COL26A1: variants seen among roughly 807,000 people sequenced by gnomAD.
COL26A1 encodes the protein collagen type XXVI alpha 1 chain, also known as collagen alpha-1(XXVI) chain.
Under a neutral mutation model 59.3 loss-of-function variants are expected in COL26A1, and 41 were observed. The ratio of observed to expected loss-of-function variants is 0.69; its 90% confidence interval spans 0.54 to 0.90. The LOEUF (loss-of-function observed/expected upper bound fraction) is 0.90. Among genes scored for constraint, COL26A1 ranks in the 40% least tolerant of loss-of-function variants. The pLI, the probability that COL26A1 is intolerant of heterozygous loss-of-function variation, is 0.00. For synonymous variants in COL26A1, 266 were observed against 256.0 expected (o/e 1.04, Z -0.37); for missense variants, 612 against 602.3 (o/e 1.02, Z -0.17).
At position 101,458,505 on chromosome 7, in the gene COL26A1, G is replaced by A. The variant is rs572286125; in HGVS notation, c.385+10718G>A. Among the ~76,000 whole-genome samples the A allele has an allele frequency of 9.5e-4, 145 of 152,174 alleles. 1 individual carries two copies. The highest frequency in any genetic ancestry group is 3.3e-3 in the African/African-American group (138 of 41,534). On this transcript the variant is annotated intron_variant, in intron 3 of 12. Transcript: ENST00000313669. ...CCAAAAAAACTAGCCGGGCGTGGTG[G>A]TGCATGCCTGTAATCCCAGCTACTT...
At chr7:101,391,021 C>A (rs902851593) in intron 1 of COL26A1, among the ~76,000 whole-genome samples, 1 of 152,200 alleles carries the variant, frequency 6.6e-6, no homozygotes, top group South Asian at 2.1e-4. Context: ...ACCTGCTAAC[C>A]AAAGCCTTCT....
At position 101,541,454 on chromosome 7, in the gene COL26A1, C is replaced by T. The variant is rs541215569; in HGVS notation, c.604+1405C>T. Reference sequence around the variant, plus strand: ...TCATCTCCGAGGCTCAGGTGATCCTCCTGCCTCAGCCTCCCAAGTAGTTGG... The same window carrying T: ...TCATCTCCGAGGCTCAGGTGATCCTTCTGCCTCAGCCTCCCAAGTAGTTGG... On this transcript the variant is annotated intron_variant, in intron 5 of 12. Transcript: ENST00000313669. Among the ~76,000 whole-genome samples, 286 of 152,134 alleles carry T rather than the reference C, an allele frequency of 1.9e-3. 1 individual carries two copies. The highest frequency in any genetic ancestry group is 2.9e-3 in the Non-Finnish European group (196 of 68,030).
intron 4 of COL26A1, among the ~76,000 whole-genome samples, chr7:101,537,757 G>A (rs373358814): frequency 1.2e-4 from 18 of 152,086 alleles, no homozygotes; most frequent in African/African-American, 2.2e-4. Context: ...AGGCCAAGGC[G>A]GGACCCCTCC....
At chr7:101,468,807 C>T (rs1186012929) in intron 3 of COL26A1, among the ~76,000 whole-genome samples, 3 of 152,166 alleles carry the variant, frequency 2.0e-5, no homozygotes, top group South Asian at 2.1e-4. Flanking sequence ...GTGCAGGCAC[C>T]GCCCTGGAGG....
In COL26A1 at chr7:101,366,501, TTTTTTTTTTTTTTTTTA is replaced by T. The variant is rs1416969101; in HGVS notation, c.158+3312_158+3328del. Among the ~76,000 whole-genome samples, 62 of 25,954 alleles carry T rather than the reference TTTTTTTTTTTTTTTTTA, an allele frequency of 2.4e-3. 3 individuals carry two copies. The African/African-American group carries it at 0.033, about 14-fold the overall frequency. 17.0% of individuals were successfully genotyped at this position (25,954 alleles called of 152,430 possible). A position where few individuals can be genotyped will look rare whatever the true frequency, so the allele number is the denominator to read the frequency against. ...TTTTTTTTTTTTTTTTTTTTTTTTTTTTTTTTTTTTTTTTTTAAAGACAGGGTCTTGCTCTGTCACCC... is the reference window on the plus strand; with the variant it reads ...TTTTTTTTTTTTTTTTTTTTTTTTTTAAGACAGGGTCTTGCTCTGTCACCC... On this transcript the variant is annotated intron_variant, in intron 1 of 12. Coordinates refer to ENST00000313669, the MANE Select transcript of COL26A1 (RefSeq NM_001278563.3).
chr7:101,526,996 A>G (rs191200699), intron 3 of COL26A1, among the ~76,000 whole-genome samples: 11 of 152,084 alleles, frequency 7.2e-5, no homozygotes, highest in African/African-American at 1.9e-4. Context: ...TCTCAAAAGG[A>G]CACTACATCT....
intron 3 of COL26A1, among the ~76,000 whole-genome samples, chr7:101,517,332 T>G (rs1401375087): frequency 3.3e-5 from 5 of 152,166 alleles, no homozygotes; most frequent in Non-Finnish European, 5.9e-5. Flanking sequence ...TTGGTCCGTT[T>G]TCACGTTGCT....
At chr7:101,372,692 C>T (rs11976450) in intron 1 of COL26A1, among the ~76,000 whole-genome samples, 88,092 of 151,850 alleles carry the variant, frequency 0.58, 27,124 homozygotes, top group African/African-American at 0.8. Context: ...GTTAGTGGGA[C>T]TGAGTTCAGA....
intron 1 of COL26A1, among the ~76,000 whole-genome samples, chr7:101,383,421 C>T (rs546278578): frequency 1.1e-3 from 169 of 152,116 alleles, no homozygotes; most frequent in African/African-American, 4.0e-3. Context: ...GGCTGGAGTA[C>T]AATGGCACGA....
chr7:101,514,787 A>G (rs922100855), intron 3 of COL26A1, among the ~76,000 whole-genome samples: 2 of 152,236 alleles, frequency 1.3e-5, no homozygotes, highest in Admixed American at 1.3e-4. Context: ...GTACTTGGAC[A>G]GTCTCCTCCT....
intron 2 of COL26A1, among the ~76,000 whole-genome samples, chr7:101,423,155 T>C (rs7797313): frequency 0.73 from 111,365 of 152,032 alleles, 41,891 homozygotes; most frequent in African/African-American, 0.91. Context: ...ATCCCAGTTA[T>C]TCAGGAGGCT....
intron 3 of COL26A1, among the ~76,000 whole-genome samples, chr7:101,453,477 A>G (rs1228587749): frequency 6.6e-6 from 1 of 152,136 alleles, no homozygotes; most frequent in Non-Finnish European, 1.5e-5. Flanking sequence ...GAGTTCTTGG[A>G]CTGATTATGA....
At chr7:101,540,154 C>A in intron 5 of COL26A1, 105 bp downstream of exon 5, 1 of 1,172,986 alleles carries the variant, frequency 8.5e-7, no homozygotes, top group Non-Finnish European at 1.2e-6. Context: ...ACTCTAGTTC[C>A]AACATGCCAT....
chr7:101,406,782 C>T (rs1792138176), intron 1 of COL26A1, among the ~76,000 whole-genome samples: 3 of 152,104 alleles, frequency 2.0e-5, no homozygotes, highest in Non-Finnish European at 4.4e-5. Context: ...CCCATCTCTG[C>T]AAAACATTTC....
chr7:101,528,301 C>T (rs1031371292), intron 3 of COL26A1, among the ~76,000 whole-genome samples: 1 of 152,190 alleles, frequency 6.6e-6, no homozygotes, highest in Non-Finnish European at 1.5e-5. Flanking sequence ...GCAGGGGATC[C>T]TATTTGTTGC....
intron 2 of COL26A1, among the ~76,000 whole-genome samples, chr7:101,435,517 T>C (rs1175453990): frequency 6.6e-6 from 1 of 152,066 alleles, no homozygotes; most frequent in African/African-American, 2.4e-5. Context: ...TTTCCCATCC[T>C]GGGAAATAGA....
At chr7:101,457,097 G>A (rs1158119782) in intron 3 of COL26A1, among the ~76,000 whole-genome samples, 1 of 152,158 alleles carries the variant, frequency 6.6e-6, no homozygotes, top group Non-Finnish European at 1.5e-5. Flanking sequence ...GGGGACTAGG[G>A]AATGGGTGCT....
chr7:101,411,465 AG>A, intron 1 of COL26A1, among the ~76,000 whole-genome samples: 1 of 151,840 alleles, frequency 6.6e-6, no homozygotes, highest in East Asian at 1.9e-4. Context: ...CCACCATGGG[AG>A]GGGCGTCAGG....
intron 3 of COL26A1, among the ~76,000 whole-genome samples, chr7:101,510,485 C>T (rs1794899104): frequency 6.6e-6 from 1 of 152,216 alleles, no homozygotes; most frequent in African/African-American, 2.4e-5. Flanking sequence ...ACCTGCCAGC[C>T]TTTTCCCTGC....
Sources: allele counts gnomAD v4.1 joint callset (sites outside exome capture counted in the v4.1 genomes callset), GRCh38; gene constraint gnomAD v4.1.1; transcripts MANE v1.5; gene names NCBI Gene and HGNC (gene_info 2026-07-23, HGNC 2026-07-21).